The following MRPL39 variants were observed in gnomAD, a reference collection of about 807,000 sequenced individuals.
MRPL39 encodes the protein mitochondrial ribosomal protein L39.
In MRPL39, 35 loss-of-function variants were observed where a neutral mutation model predicts 44.5. The ratio of observed to expected loss-of-function variants is 0.79; its 90% CI spans 0.60 to 1.04. The LOEUF is 1.04. MRPL39 is among the 50% of genes least tolerant of loss of function. The pLI is 0.00. For synonymous variants in MRPL39, 139 were observed against 136.1 expected (o/e 1.02, Z -0.15); for missense variants, 433 against 413.5 (o/e 1.05, Z -0.41).
intron 8 of MRPL39, among the ~76,000 whole-genome samples, chr21:25,591,654 C>CA (rs35745090): frequency 0.7 from 104,964 of 149,248 alleles, 37,857 homozygotes; most frequent in Non-Finnish European, 0.81. Flanking sequence ...ATGACTAAAA[C>CA]AAAAAAAAAA....
intron 9 of MRPL39, chr21:25,587,906 A>C: frequency 1.3e-6 from 1 of 758,192 alleles, no homozygotes; most frequent in East Asian, 2.6e-5. Context: ...AATTAGGATA[A>C]GGAGGAAGTC....
At chr21:25,605,398 T>G (rs781248413) in intron 2 of MRPL39, among the ~76,000 whole-genome samples, 2 of 152,150 alleles carry the variant, frequency 1.3e-5, no homozygotes, top group Non-Finnish European at 1.5e-5. Context: ...ATTCACCCCA[T>G]GCACATTCCC....
chr21:25,587,160 G>A (rs954769356), intron 9 of MRPL39, among the ~76,000 whole-genome samples: 6 of 152,128 alleles, frequency 3.9e-5, no homozygotes, highest in Middle Eastern at 3.4e-3. Context: ...TGTCTCTGCC[G>A]TTTTTCTACA....
intron 8 of MRPL39, among the ~76,000 whole-genome samples, chr21:25,591,187 A>C (rs1437918642): frequency 6.6e-6 from 1 of 151,960 alleles, no homozygotes; most frequent in Non-Finnish European, 1.5e-5. Context: ...TAAAACTTTT[A>C]GGAGGGAAAA....
intron 5 of MRPL39, among the ~76,000 whole-genome samples, 152 bp downstream of exon 5, chr21:25,599,643 TAGAC>T (rs1031177546): frequency 7.7e-4 from 113 of 147,186 alleles, no homozygotes; most frequent in African/African-American, 2.7e-3. Context: ...GATAGATAGA[TAGAC>T]AGACAGACAG....
intron 2 of MRPL39, among the ~76,000 whole-genome samples, 199 bp from the exon 3 acceptor site, chr21:25,604,134 C>T (rs1463937364): frequency 6.6e-6 from 1 of 151,340 alleles, no homozygotes; most frequent in African/African-American, 2.4e-5. Flanking sequence ...GGGCACGTGC[C>T]TGTAATCCCA....
intron 2 of MRPL39, among the ~76,000 whole-genome samples, chr21:25,606,245 G>A (rs9305258): frequency 0.7 from 106,667 of 151,992 alleles, 38,875 homozygotes; most frequent in Non-Finnish European, 0.82. Flanking sequence ...CTCCCAAGTA[G>A]CTGGGATTTG....
At position 25,598,034 on chromosome 21, in the gene MRPL39, TTAC is replaced by T. The variant is rs1231207692; in HGVS notation, c.589-623_589-621del. Among the ~76,000 whole-genome samples, 28 of 152,278 alleles carry T rather than the reference TTAC, an allele frequency of 1.8e-4. 2 individuals carry two copies. In the South Asian group the frequency reaches 4.1e-3, roughly 23 times the overall value. On this transcript the variant is annotated intron_variant, in intron 5 of 9. Coordinates refer to ENST00000352957, the MANE Select transcript of MRPL39 (RefSeq NM_017446.4). ...AATTGAGCTTTCATACTGTAAATCA[TTAC>T]TAATAACACAGAAAAAACCAAGCAC...
rs187353664 is a variant in MRPL39 at position 25,587,701 on chromosome 21, T to C, written c.969+1134A>G. ...TGAATAATTATTTGTTAGAGATTAC[T>C]CTGAGACTGTTCCATGGAGGAGGTA... On this transcript the variant is annotated intron_variant, in intron 9 of 9. Transcript: ENST00000352957. 22 of 1,591,886 alleles carry C rather than the reference T, an allele frequency of 1.4e-5. No homozygotes were observed. In the Admixed American group the frequency reaches 2.5e-4, roughly 18 times the overall value.
At chr21:25,597,556 T>C in intron 5 of MRPL39, 142 bp from the exon 6 acceptor site, 2 of 510,904 alleles carry the variant, frequency 3.9e-6, no homozygotes, top group Non-Finnish European at 6.8e-6. Context: ...AACAGAAAGT[T>C]ACTAATTTGC....
chr21:25,589,240 T>A (rs1037462643), intron 8 of MRPL39, among the ~76,000 whole-genome samples: 2 of 152,186 alleles, frequency 1.3e-5, no homozygotes, highest in Non-Finnish European at 2.9e-5. Context: ...TCCCATAGAC[T>A]GTGGTTCAAT....
chr21:25,603,424 A>G (rs1332523464), intron 3 of MRPL39, among the ~76,000 whole-genome samples: 1 of 152,338 alleles, frequency 6.6e-6, no homozygotes, highest in Non-Finnish European at 1.5e-5. Context: ...ACGAAAAAAA[A>G]TAGTGGGGGG....
chr21:25,606,794 C>T lies in MRPL39; in HGVS notation c.74-139G>A, dbSNP rs576244268. 4.6e-6 allele frequency: 3 copies of T among 647,392 alleles called. No individual in the cohort carries two copies. In the East Asian group the frequency reaches 8.3e-5, roughly 18 times the overall value. 40.1% of individuals were successfully genotyped at this position (647,392 alleles called of 1,614,324 possible). A position where few individuals can be genotyped will look rare whatever the true frequency, so the allele number is the denominator to read the frequency against. Reference sequence around the variant, plus strand: ...GAAACAGAGCTGGCCCAGATACGTGCCTCTACTTTTAAATTTGGCTCTTTC... The same window carrying T: ...GAAACAGAGCTGGCCCAGATACGTGTCTCTACTTTTAAATTTGGCTCTTTC... On this transcript the variant is annotated intron_variant, in intron 1 of 9. Transcript: ENST00000352957.
At chr21:25,597,007 C>T (rs1174981130) in intron 6 of MRPL39, among the ~76,000 whole-genome samples, 1 of 151,976 alleles carries the variant, frequency 6.6e-6, no homozygotes, top group African/African-American at 2.4e-5. Context: ...ATTATATAGT[C>T]GCTTAACGTA....
rs1055140705 is a variant in MRPL39 at position 25,606,476 on chromosome 21, T to A, written c.253A>T (p.Ile85Phe). Residue 85 changes from isoleucine (I) to phenylalanine (F), a missense_variant, in exon 2 of 10, where the codon ATT (isoleucine) becomes TTT (phenylalanine). Physicochemically the swap from Ile to Phe is conservative, Grantham distance 21. Coordinates refer to ENST00000352957, the MANE Select transcript of MRPL39 (RefSeq NM_017446.4). ...PGTVFVMNKN[I>F]STPYSCAMHL... ...ATGGCACAACTGTAGGGAGTTGAAA[T>A]GTTTTTATTCATCACGAAGACAGTA... 6.2e-7 allele frequency: 1 copy of A among 1,611,112 alleles called. No individual in the cohort carries two copies. The highest frequency in any genetic ancestry group is 1.7e-4 in the Middle Eastern group (1 of 6,042).
At chr21:25,600,074 A>G (rs763909038) in intron 4 of MRPL39, among the ~76,000 whole-genome samples, 1 of 152,182 alleles carries the variant, frequency 6.6e-6, no homozygotes, top group African/African-American at 2.4e-5. Context: ...CAAATCACAA[A>G]TATTTTTTAA....
At chr21:25,593,244 A>G (rs2031239746) in intron 7 of MRPL39, among the ~76,000 whole-genome samples, 1 of 152,226 alleles carries the variant, frequency 6.6e-6, no homozygotes, top group African/African-American at 2.4e-5. Context: ...AGCTGATCCA[A>G]TTGCCTAAAA....
In MRPL39 at chr21:25,603,946, A is replaced by C. The variant is rs1193443119; in HGVS notation, c.281-11T>G. 1.2e-6 allele frequency: 2 copies of C among 1,600,330 alleles called. No homozygotes were observed. ...ACCACTCGCTTAAATCTAGAAATTTAAAACAGACTGATTATCTAACAAAAT... is the reference window on the plus strand; with the variant it reads ...ACCACTCGCTTAAATCTAGAAATTTCAAACAGACTGATTATCTAACAAAAT... On this transcript the variant is annotated splice_polypyrimidine_tract_variant and intron_variant, in intron 2 of 9. Coordinates refer to ENST00000352957, the MANE Select transcript of MRPL39 (RefSeq NM_017446.4).
At chr21:25,593,983 AT>A (rs747707293) in intron 6 of MRPL39, 25 bp from the exon 7 acceptor site, 8 of 1,596,936 alleles carry the variant, frequency 5.0e-6, no homozygotes, top group African/African-American at 1.3e-5. Flanking sequence ...AGAAAAAAAC[AT>A]TTTTTTAACT....
Sources: allele counts gnomAD v4.1 joint callset (sites outside exome capture counted in the v4.1 genomes callset), GRCh38; gene constraint gnomAD v4.1.1; transcripts MANE v1.5; gene names NCBI Gene and HGNC (gene_info 2026-07-23, HGNC 2026-07-21).